MON2: variants seen among roughly 807,000 people sequenced by gnomAD.
MON2 encodes protein MON2 homolog.
Under a neutral mutation model 208.6 loss-of-function variants are expected in MON2, and 84 were observed. The observed-to-expected ratio is 0.40, with a 90% CI of 0.34 to 0.48. MON2 has a LOEUF of 0.48. MON2 is among the 20% of genes least tolerant of loss of function. The probability of loss-of-function intolerance (pLI) is 0.59; values close to 1 mark genes in which losing one functional copy is unlikely to be tolerated. For synonymous variants in MON2, 660 were observed against 694.0 expected (o/e 0.95, Z 0.77); for missense variants, 1,611 against 2,015.4 (o/e 0.80, Z 3.84).
intron 4 of MON2, among the ~76,000 whole-genome samples, chr12:62,495,822 C>G (rs1019288677): frequency 6.6e-6 from 1 of 151,524 alleles, no homozygotes; most frequent in African/African-American, 2.4e-5. Context: ...TCTTAAATGG[C>G]TAGACAAATC....
At chr12:62,552,586 T>A (rs1274603408) in intron 23 of MON2, among the ~76,000 whole-genome samples, 2 of 152,060 alleles carry the variant, frequency 1.3e-5, no homozygotes, top group Non-Finnish European at 2.9e-5. Flanking sequence ...TACATCAATA[T>A]GTTCAAGTTC....
intron 1 of MON2, among the ~76,000 whole-genome samples, chr12:62,469,336 A>G (rs1282413441): frequency 2.0e-5 from 3 of 151,956 alleles, no homozygotes; most frequent in Non-Finnish European, 4.4e-5. Flanking sequence ...ACAGAAGGAG[A>G]CCCTGTCTCA....
chr12:62,516,813 T>G (rs1038974258), intron 8 of MON2, among the ~76,000 whole-genome samples: 1 of 152,192 alleles, frequency 6.6e-6, no homozygotes, highest in Non-Finnish European at 1.5e-5. Context: ...TGATTATGCA[T>G]TATATGCCTG....
At chr12:62,476,615 T>G (rs2069098349) in intron 1 of MON2, among the ~76,000 whole-genome samples, 2 of 152,042 alleles carry the variant, frequency 1.3e-5, no homozygotes, top group South Asian at 4.1e-4. Context: ...TTTTGTATTT[T>G]TAGTAGAGAC....
rs896441855 is a variant in MON2 at position 62,598,937 on chromosome 12, C to G, written c.*6188C>G. 6.6e-6 allele frequency: 1 copy of G among 152,126 alleles called. No individual in the cohort carries two copies. The highest frequency in any genetic ancestry group is 2.4e-5 in the African/African-American group (1 of 41,460). The allele number at this position is 152,126 out of a possible 1,614,324, so 9.4% of individuals were successfully genotyped here. A position where few individuals can be genotyped will look rare whatever the true frequency, so the allele number is the denominator to read the frequency against. On this transcript the variant is annotated 3_prime_UTR_variant, in exon 35 of 35. Coordinates refer to ENST00000393630, the MANE Select transcript of MON2 (RefSeq NM_015026.3). ...CTAGTGTTTCTTTATAACTTAAAAT[C>G]ATAACCACTTTGATAATTTACCTTT...
chr12:62,512,701 A>C (rs1183506998), intron 8 of MON2, among the ~76,000 whole-genome samples: 3 of 152,148 alleles, frequency 2.0e-5, no homozygotes, highest in Non-Finnish European at 4.4e-5. Context: ...TCACAGCTCC[A>C]CTAGGCGGTG....
At chr12:62,476,427 T>G (rs2069085436) in intron 1 of MON2, among the ~76,000 whole-genome samples, 1 of 152,052 alleles carries the variant, frequency 6.6e-6, no homozygotes, top group Admixed American at 6.6e-5. Flanking sequence ...TGCCATTAAC[T>G]TGAATTTCAC....
chr12:62,565,147 A>T, intron 26 of MON2, 90 bp from the exon 27 acceptor site: 1 of 1,279,090 alleles, frequency 7.8e-7, no homozygotes, highest in Non-Finnish European at 1.1e-6. Context: ...GACAGTTTTT[A>T]AGATTCTGTG....
rs1173900059 is a variant in MON2 at position 62,513,949 on chromosome 12, CAAAA to C, written c.984+5477_984+5480del. Among the ~76,000 whole-genome samples the C allele has an allele frequency of 1.3e-4, 17 of 133,108 alleles. 1 individual carries two copies. Among genetic ancestry groups the C allele is most frequent in the African/African-American group, 4.0e-4 (15 of 37,432 alleles). The allele number at this position is 133,108 out of a possible 152,430, so 87.3% of individuals were successfully genotyped here. Reference sequence around the variant, plus strand: ...TGGGTGACAGAGCGAGACTCCATCTCAAAAAAAAAAAGAAAGAAAGAAAGAAAGA... The same window carrying C: ...TGGGTGACAGAGCGAGACTCCATCTCAAAAAAAGAAAGAAAGAAAGAAAGA... On this transcript the variant is annotated intron_variant, in intron 8 of 34. Coordinates refer to ENST00000393630, the MANE Select transcript of MON2 (RefSeq NM_015026.3).
At chr12:62,520,227 C>T (rs1349274001) in intron 8 of MON2, among the ~76,000 whole-genome samples, 2 of 152,190 alleles carry the variant, frequency 1.3e-5, no homozygotes, top group Non-Finnish European at 2.9e-5. Flanking sequence ...GATTTTGTAA[C>T]ATCATGTATT....
At chr12:62,496,913 T>C (rs1439113913) in intron 4 of MON2, among the ~76,000 whole-genome samples, 1 of 145,356 alleles carries the variant, frequency 6.9e-6, no homozygotes, top group Non-Finnish European at 1.5e-5. Flanking sequence ...AACCCAAATG[T>C]CCAACAATGA....
chr12:62,470,905 A>G (rs1054812043), intron 1 of MON2: 3 of 236,862 alleles, frequency 1.3e-5, no homozygotes, highest in Non-Finnish European at 2.1e-5. Flanking sequence ...AGGAAGAATT[A>G]GAGGGTATTG....
At chr12:62,580,452 T>C in intron 32 of MON2, 32 bp downstream of exon 32, 1 of 1,529,632 alleles carries the variant, frequency 6.5e-7, no homozygotes, top group Non-Finnish European at 9.0e-7. Context: ...TTAAAAAGTA[T>C]TGAAGTACTT....
chr12:62,588,006 G>C, intron 33 of MON2, 68 bp from the exon 34 acceptor site: 2 of 997,934 alleles, frequency 2.0e-6, no homozygotes, highest in South Asian at 2.8e-5. Context: ...TACAAACTTA[G>C]TTTAAAAAAC....
At chr12:62,547,481 A>G (rs1255992165) in intron 22 of MON2, among the ~76,000 whole-genome samples, 1 of 152,310 alleles carries the variant, frequency 6.6e-6, no homozygotes, top group East Asian at 1.9e-4. Context: ...ACCTCCCTAT[A>G]TATATTAGGC....
intron 30 of MON2, among the ~76,000 whole-genome samples, chr12:62,572,857 T>C (rs1198473023): frequency 6.6e-6 from 1 of 152,204 alleles, no homozygotes; most frequent in Non-Finnish European, 1.5e-5. Context: ...ACTTAAATTA[T>C]GGATTTGATG....
Position 62,569,590 on chromosome 12 carries a change from A to G in MON2, c.4324-1802A>G, listed in dbSNP as rs188995369. 3.1e-3 allele frequency among the ~76,000 whole-genome samples: 471 copies of G among 152,220 alleles called. 1 individual carries two copies. Among genetic ancestry groups the G allele is most frequent in the African/African-American group, 0.011 (443 of 41,480 alleles). On this transcript the variant is annotated intron_variant, in intron 29 of 34. Transcript: ENST00000393630. ...TGTTCCTGCATACACACATTCACACACTTCTATTCTTCTTCTTAAGTTCCT... is the reference window on the plus strand; with the variant it reads ...TGTTCCTGCATACACACATTCACACGCTTCTATTCTTCTTCTTAAGTTCCT...
intron 26 of MON2, 166 bp from the exon 27 acceptor site, chr12:62,565,071 C>A (rs1341786351): frequency 3.3e-6 from 2 of 610,454 alleles, no homozygotes; most frequent in East Asian, 3.0e-5. Context: ...ATACTTTATT[C>A]TATAACAGTT....
chr12:62,587,175 A>G (rs115100639), intron 33 of MON2, among the ~76,000 whole-genome samples: 1,608 of 152,276 alleles, frequency 0.011, 7 homozygotes, highest in Middle Eastern at 0.027. Context: ...CTCCAAGTTC[A>G]TTCTTCATTG....
Sources: allele counts gnomAD v4.1 joint callset (sites outside exome capture counted in the v4.1 genomes callset), GRCh38; gene constraint gnomAD v4.1.1; transcripts MANE v1.5; gene names NCBI Gene and HGNC (gene_info 2026-07-23, HGNC 2026-07-21).